ST3GAL5: variants seen among roughly 807,000 people sequenced by gnomAD.
ST3GAL5 encodes the protein ST3 beta-galactoside alpha-2,3-sialyltransferase 5, also known as lactosylceramide alpha-2,3-sialyltransferase.
ST3GAL5 carries 25 observed loss-of-function variants against 46.1 expected under a neutral mutation model. The ratio of observed to expected loss-of-function variants is 0.54; its 90% CI spans 0.40 to 0.76. The LOEUF (loss-of-function observed/expected upper bound fraction) is 0.76, where lower values mean the gene tolerates loss of function less well. Among genes scored for constraint, ST3GAL5 ranks in the 30% least tolerant of loss-of-function variants. The pLI is 0.00. For synonymous variants in ST3GAL5, 182 were observed against 192.7 expected, an observed-to-expected ratio of 0.94 and a Z score of 0.46; for missense variants, 431 against 521.2, an observed-to-expected ratio of 0.83 and a Z score of 1.69.
chr2:85,879,340 G>C (rs978257966), intron 1 of ST3GAL5, among the ~76,000 whole-genome samples: 2 of 152,184 alleles, frequency 1.3e-5, no homozygotes, highest in Non-Finnish European at 2.9e-5. Flanking sequence ...AAATTCAGGT[G>C]GCTAAAGAGG....
chr2:85,855,365 G>A (rs1683986085), intron 3 of ST3GAL5: 1 of 152,368 alleles, frequency 6.6e-6, no homozygotes, highest in African/African-American at 2.4e-5. Context: ...GCCATGTGGA[G>A]TTGTAACTAC....
intron 1 of ST3GAL5, among the ~76,000 whole-genome samples, chr2:85,884,195 A>T (rs1275040571): frequency 6.6e-6 from 1 of 152,202 alleles, no homozygotes; most frequent in Non-Finnish European, 1.5e-5. Flanking sequence ...ACATTACATT[A>T]GTTAGTATAT....
At chr2:85,863,709 C>T (rs1684972270) in intron 1 of ST3GAL5, among the ~76,000 whole-genome samples, 1 of 144,924 alleles carries the variant, frequency 6.9e-6, no homozygotes, top group Admixed American at 6.9e-5. Context: ...TCTCAACATT[C>T]TTTTTTTTTT....
At chr2:85,859,223 G>A (rs1684469214) in intron 3 of ST3GAL5, among the ~76,000 whole-genome samples, 1 of 152,158 alleles carries the variant, frequency 6.6e-6, no homozygotes, top group African/African-American at 2.4e-5. Context: ...TTTACAGTTG[G>A]TCAGATGGTA....
At chr2:85,884,033 A>G (rs555096761) in intron 1 of ST3GAL5, among the ~76,000 whole-genome samples, 3 of 152,296 alleles carry the variant, frequency 2.0e-5, no homozygotes, top group South Asian at 2.1e-4. Flanking sequence ...CCACAAAGAC[A>G]TGGATACGAC....
At chr2:85,884,266 A>G (rs1381497187) in intron 1 of ST3GAL5, among the ~76,000 whole-genome samples, 1 of 152,188 alleles carries the variant, frequency 6.6e-6, no homozygotes, top group Non-Finnish European at 1.5e-5. Flanking sequence ...TCTTTTTGTC[A>G]TATCTATGTT....
intron 1 of ST3GAL5, among the ~76,000 whole-genome samples, chr2:85,871,038 CTTTT>C (rs35268429): frequency 7.3e-6 from 1 of 137,786 alleles, no homozygotes; most frequent in Non-Finnish European, 1.6e-5. Context: ...AACCATTTAT[CTTTT>C]TTTTTTTTTT....
chr2:85,858,417 T>A (rs1684386652), intron 3 of ST3GAL5, among the ~76,000 whole-genome samples: 1 of 152,196 alleles, frequency 6.6e-6, no homozygotes, highest in Non-Finnish European at 1.5e-5. Context: ...TTCAAGTGAT[T>A]CTCCTGCCTC....
At chr2:85,878,537 G>A (rs1686817893) in intron 1 of ST3GAL5, among the ~76,000 whole-genome samples, 1 of 136,344 alleles carries the variant, frequency 7.3e-6, no homozygotes, top group Non-Finnish European at 1.6e-5. Flanking sequence ...AACATACAAT[G>A]GTCGCCTGAC....
intron 1 of ST3GAL5, among the ~76,000 whole-genome samples, chr2:85,885,029 G>GA (rs1217462317): frequency 3.3e-5 from 5 of 152,318 alleles, no homozygotes; most frequent in African/African-American, 1.2e-4. Flanking sequence ...AGGACTTGGT[G>GA]AACCATCCAA....
chr2:85,882,262 G>C (rs961629059), intron 1 of ST3GAL5, among the ~76,000 whole-genome samples: 4 of 152,242 alleles, frequency 2.6e-5, no homozygotes, highest in African/African-American at 9.6e-5. Context: ...TGTGGGGTCA[G>C]AGCAGCCACA....
chr2:85,847,336 C>A, intron 4 of ST3GAL5: 1 of 990,614 alleles, frequency 1.0e-6, no homozygotes, highest in Non-Finnish European at 1.2e-6. Context: ...CTTGAATCTA[C>A]CCACCTTCCA....
chr2:85,885,964 G>A (rs1003786388), intron 1 of ST3GAL5, among the ~76,000 whole-genome samples: 3 of 152,152 alleles, frequency 2.0e-5, no homozygotes, highest in Non-Finnish European at 2.9e-5. Context: ...TGGTCACAGC[G>A]GCACTTTCTG....
At chr2:85,846,124 A>G in intron 5 of ST3GAL5, 4 of 439,360 alleles carry the variant, frequency 9.1e-6, no homozygotes, top group Non-Finnish European at 1.7e-5. Flanking sequence ...TGAACCTGGG[A>G]TGCGGAGGCT....
rs1472370331 is a variant in ST3GAL5, at chr2:85,848,102, A to C, written c.421T>G (p.Leu141Val). The C allele has an allele frequency of 6.2e-7, 1 of 1,614,112 alleles. No individual in the cohort carries two copies. The highest frequency in any genetic ancestry group is 1.7e-5 in the Admixed American group (1 of 60,006). Residue 141 changes from leucine to valine, a missense_variant, in exon 4 of 7, where the codon TTA becomes GTA. Physicochemically the swap from Leu to Val is conservative, Grantham distance 32. Transcript: ENST00000638572. ...LLFEHRYSVD[L>V]LPFVQKAPKD... ...GGGGCCTTCTGCACAAAAGGGAGTA[A>C]GTCCACGCTATACCTGTGCTCAAAT... is the stretch of plus-strand genomic sequence containing the variant.
chr2:85,867,027 G>T (rs535660888), intron 1 of ST3GAL5, among the ~76,000 whole-genome samples: 1 of 152,322 alleles, frequency 6.6e-6, no homozygotes, highest in African/African-American at 2.4e-5. Context: ...TAAAATGGCT[G>T]GGTGTGGTAG....
chr2:85,888,641 C>A (rs116545447), intron 1 of ST3GAL5, 183 bp downstream of exon 1: 2 of 354,784 alleles, frequency 5.6e-6, no homozygotes, highest in Non-Finnish European at 9.2e-6. Context: ...CCACACGGCC[C>A]GGGACCACGA....
At chr2:85,863,623 T>C in intron 1 of ST3GAL5, 138 bp from the exon 2 acceptor site, 3 of 952,152 alleles carry the variant, frequency 3.2e-6, no homozygotes, top group Non-Finnish European at 4.9e-6. Flanking sequence ...AATGAACTGT[T>C]GTTACATGCA....
chr2:85,867,717 G>A (rs1057280780), intron 1 of ST3GAL5: 8 of 770,682 alleles, frequency 1.0e-5, no homozygotes, highest in Non-Finnish European at 1.9e-5. Flanking sequence ...CTGAAGGAAT[G>A]TATAGGACAT....
Sources: gnomAD v4.1 joint callset for allele counts (sites outside exome capture counted in the v4.1 genomes callset) on GRCh38, gnomAD v4.1.1 for gene constraint, MANE v1.5 for transcripts, NCBI Gene and HGNC (gene_info 2026-07-23, HGNC 2026-07-21) for gene names.